The following DOCK10 variants were observed in gnomAD, a reference collection of about 807,000 sequenced individuals.
DOCK10 encodes the protein dedicator of cytokinesis protein 10.
DOCK10 carries 145 observed loss-of-function variants against 280.1 expected under a neutral mutation model. That is an observed-to-expected ratio of 0.52 (90% CI 0.45 to 0.59). The LOEUF (loss-of-function observed/expected upper bound fraction) is 0.59. DOCK10 is among the 20% of genes least tolerant of loss of function. The pLI, the probability that DOCK10 is intolerant of heterozygous loss-of-function variation, is 0.00. For missense variants in DOCK10, 2,368 were observed against 2,651.7 expected, an observed-to-expected ratio of 0.89 and a Z score of 2.35; for synonymous variants, 915 against 942.2, an observed-to-expected ratio of 0.97 and a Z score of 0.53.
chr2:224,805,054 T>C lies in DOCK10; in HGVS notation c.4118+4A>G. ...AGTGTTAAGTCATCAACTCTAAAAC[T>C]TACTCCAAGATGCTGAAGAAGTCGG... On this transcript the variant is annotated splice_donor_region_variant and intron_variant, in intron 37 of 55. Coordinates refer to ENST00000258390, the MANE Select transcript of DOCK10 (RefSeq NM_014689.3). The surrounding 1 kb of genome is among the most constrained non-coding windows in gnomAD (Gnocchi z 4.3). 1 of 1,603,096 alleles carries C rather than the reference T, an allele frequency of 6.2e-7. No homozygotes were observed. Among genetic ancestry groups the C allele is most frequent in the Non-Finnish European group, 8.5e-7 (1 of 1,175,630 alleles).
Position 224,910,976 on chromosome 2 carries a change from C to CTTT in DOCK10, c.333+5716_333+5718dup, listed in dbSNP as rs533195850. 4.5e-3 allele frequency among the ~76,000 whole-genome samples: 666 copies of CTTT among 149,232 alleles called. 4 individuals carry two copies. Among genetic ancestry groups the CTTT allele is most frequent in the African/African-American group, 0.016 (634 of 40,714 alleles). On this transcript the variant is annotated intron_variant, in intron 3 of 55. Transcript: ENST00000258390. ...CCCAGTCTTCCTCCTTTCTCTCTCCCTTTTTTTTTTCTATTTTAGATCCAT... is the reference window on the plus strand; with the variant it reads ...CCCAGTCTTCCTCCTTTCTCTCTCCCTTTTTTTTTTTTTCTATTTTAGATCCAT...
chr2:224,839,518 G>A (rs1482419291), intron 24 of DOCK10, among the ~76,000 whole-genome samples: 1 of 152,156 alleles, frequency 6.6e-6, no homozygotes, highest in Non-Finnish European at 1.5e-5. Context: ...ATACTACTCT[G>A]CAATGAAAAG....
chr2:224,963,279 C>T (rs1318895509), intron 1 of DOCK10, among the ~76,000 whole-genome samples: 1 of 152,198 alleles, frequency 6.6e-6, no homozygotes, highest in East Asian at 1.9e-4. Context: ...TGATCTAAGC[C>T]TTGCCTGATG....
intron 1 of DOCK10, among the ~76,000 whole-genome samples, chr2:224,965,464 C>T (rs954916834): frequency 2.6e-5 from 4 of 152,218 alleles, no homozygotes; most frequent in African/African-American, 9.6e-5. Flanking sequence ...GGCTATGATA[C>T]AATCCTTCTT....
intron 2 of DOCK10, among the ~76,000 whole-genome samples, chr2:224,927,233 A>G (rs1702085894): frequency 6.6e-6 from 1 of 152,172 alleles, no homozygotes; most frequent in East Asian, 1.9e-4. Flanking sequence ...ATGTCTGTGC[A>G]GTGACTGAGG....
At chr2:224,891,983 A>C (rs1213240959) in intron 4 of DOCK10, among the ~76,000 whole-genome samples, 1 of 152,226 alleles carries the variant, frequency 6.6e-6, no homozygotes, top group Non-Finnish European at 1.5e-5. Flanking sequence ...AGCTGCAATA[A>C]TGTCAACCAC....
chr2:225,041,334 G>T (rs1207196626), intron 1 of DOCK10, among the ~76,000 whole-genome samples: 3 of 152,310 alleles, frequency 2.0e-5, no homozygotes, highest in East Asian at 3.9e-4. Flanking sequence ...CGGCTGCTGA[G>T]CCCCGGTCTT....
At chr2:224,957,676 C>G (rs746827421) in intron 1 of DOCK10, among the ~76,000 whole-genome samples, 1 of 152,092 alleles carries the variant, frequency 6.6e-6, no homozygotes, top group Admixed American at 6.5e-5. Context: ...TCTTGAAAGC[C>G]GAGCTGACTT....
chr2:224,819,582 A>C (rs1391191784), intron 28 of DOCK10, 53 bp from the exon 29 acceptor site: 35 of 1,188,950 alleles, frequency 2.9e-5, no homozygotes, highest in Non-Finnish European at 4.2e-5. Context: ...GAATCATTAA[A>C]GATTTTAGAA....
At chr2:224,787,498 T>C (rs2125080821) in intron 48 of DOCK10, 101 bp from the exon 49 acceptor site, 9 of 1,453,254 alleles carry the variant, frequency 6.2e-6, no homozygotes, top group Non-Finnish European at 8.5e-6. Flanking sequence ...CTTTTCCCTC[T>C]GTTACTGGCA....
chr2:224,955,300 C>T lies in DOCK10; in HGVS notation c.124-23632G>A, dbSNP rs144241520. Among the ~76,000 whole-genome samples, 949 of 152,270 alleles carry T rather than the reference C, an allele frequency of 6.2e-3. 14 individuals are homozygous for T. The highest frequency in any genetic ancestry group is 0.021 in the African/African-American group (886 of 41,552). On this transcript the variant is annotated intron_variant, in intron 1 of 55. Coordinates refer to ENST00000258390, the MANE Select transcript of DOCK10 (RefSeq NM_014689.3). ...GAAAAATTGGTCAATTTATGGAATA[C>T]CACCATTACATATGCTTTATTCTTG...
At chr2:224,979,164 C>T (rs1219477754) in intron 1 of DOCK10, among the ~76,000 whole-genome samples, 1 of 152,198 alleles carries the variant, frequency 6.6e-6, no homozygotes, top group East Asian at 1.9e-4. Flanking sequence ...CAGGACCTCC[C>T]AGTTAGTGGG....
chr2:224,961,412 C>CTCTTTCTTTCTTTCTTTCTTTCTT (rs561597716), intron 1 of DOCK10, among the ~76,000 whole-genome samples: 3,053 of 119,222 alleles, frequency 0.026, 106 homozygotes, highest in African/African-American at 0.038. Flanking sequence ...TTCTTTCTTT[C>CTCTTTCTTTCTTTCTTTCTTTCTT]TCTTTCTTTC....
chr2:224,830,628 A>T lies in DOCK10; in HGVS notation c.2965-16T>A. The T allele has an allele frequency of 6.7e-7, 1 of 1,491,496 alleles. No individual in the cohort carries two copies. 92.4% of individuals were successfully genotyped at this position (1,491,496 alleles called of 1,614,324 possible). On this transcript the variant is annotated splice_polypyrimidine_tract_variant and intron_variant, in intron 26 of 55. Coordinates refer to ENST00000258390, the MANE Select transcript of DOCK10 (RefSeq NM_014689.3). The stretch of plus-strand genomic sequence containing the variant: ...ACCAGGAATGCTGTTGGGAAAAAAA[A>T]GGCAACGAGACATTTATTATCCTAT...
At chr2:224,932,274 T>C (rs1336083796) in intron 1 of DOCK10, among the ~76,000 whole-genome samples, 5 of 152,080 alleles carry the variant, frequency 3.3e-5, no homozygotes, top group Admixed American at 3.3e-4. Context: ...TGAAAATGGA[T>C]AAGTGAAAAA....
chr2:224,793,303 T>A (rs1385008074), intron 46 of DOCK10, 97 bp downstream of exon 46: 2 of 1,043,704 alleles, frequency 1.9e-6, no homozygotes, highest in African/African-American at 3.3e-5. Flanking sequence ...TACTTAAACA[T>A]AACAGATTAA....
chr2:224,817,107 A>G (rs1694178621), intron 29 of DOCK10, among the ~76,000 whole-genome samples: 1 of 152,256 alleles, frequency 6.6e-6, no homozygotes, highest in Non-Finnish European at 1.5e-5. Context: ...GACTTCTACA[A>G]TGAGCTCCTA....
At chr2:224,985,118 A>G (rs1031190145) in intron 1 of DOCK10, among the ~76,000 whole-genome samples, 1 of 152,194 alleles carries the variant, frequency 6.6e-6, no homozygotes, top group Non-Finnish European at 1.5e-5. Flanking sequence ...GCCTCCAAAC[A>G]TCAAATGTGC....
At chr2:224,885,958 A>G (rs1699252624) in intron 6 of DOCK10, 105 bp downstream of exon 6, 1 of 1,517,600 alleles carries the variant, frequency 6.6e-7, no homozygotes, top group East Asian at 2.3e-5. Flanking sequence ...AAAATATTAT[A>G]TGAAACATAA....
Sources: allele counts gnomAD v4.1 joint callset (sites outside exome capture counted in the v4.1 genomes callset), GRCh38; gene constraint gnomAD v4.1.1; non-coding constraint Gnocchi (gnomAD v3.1); transcripts MANE v1.5; gene names NCBI Gene and HGNC (gene_info 2026-07-23, HGNC 2026-07-21).